The following RPS6KA2 variants were observed in gnomAD, a reference collection of about 807,000 sequenced individuals.
The protein encoded by RPS6KA2 is ribosomal protein S6 kinase A2.
A neutral mutation model predicts 91.8 loss-of-function variants in RPS6KA2; 42 were observed. That is an observed-to-expected ratio of 0.46 (90% CI 0.36 to 0.59). The LOEUF (loss-of-function observed/expected upper bound fraction) is 0.59. Among genes scored for constraint, RPS6KA2 ranks in the 20% least tolerant of loss-of-function variants. The pLI, the probability that RPS6KA2 is intolerant of heterozygous loss-of-function variation, is 0.00. For synonymous variants in RPS6KA2, 414 were observed against 393.6 expected (o/e 1.05, Z -0.61); for missense variants, 798 against 978.5 (o/e 0.82, Z 2.46).
intron 2 of RPS6KA2, among the ~76,000 whole-genome samples, chr6:166,787,804 A>T (rs1393249358): frequency 6.6e-6 from 1 of 152,190 alleles, no homozygotes; most frequent in Non-Finnish European, 1.5e-5. Context: ...CAATGGCAAC[A>T]AAAGCCAAAA....
chr6:166,448,798 C>A lies in RPS6KA2; in HGVS notation c.1258G>T (p.Asp420Tyr). 1 of 1,613,862 alleles carries A rather than the reference C, an allele frequency of 6.2e-7. No individual in the cohort carries two copies. Among genetic ancestry groups the A allele is most frequent in the Non-Finnish European group, 8.5e-7 (1 of 1,179,904 alleles). The stretch of plus-strand genomic sequence containing the variant: ...ACTGAGTAGGAGCCCACCCCGATGT[C>A]CTCCTTGATCTCGTAGCCATCGGTG... ...HFTDGYEIKE[D>Y]IGVGSYSVCK... Residue 420 changes from aspartate to tyrosine, a missense_variant, in exon 14 of 21, where the codon GAC (aspartate) becomes TAC (tyrosine). Asp to Tyr is a radical substitution (Grantham distance 160). Coordinates refer to ENST00000265678, the MANE Select transcript of RPS6KA2 (RefSeq NM_021135.6). This position sits in a 1 kb window ranked among gnomAD's most constrained non-coding sequence, Gnocchi z 4.7.
At chr6:166,438,424 C>G (rs999082660) in intron 14 of RPS6KA2, among the ~76,000 whole-genome samples, 3 of 152,266 alleles carry the variant, frequency 2.0e-5, no homozygotes, top group Admixed American at 6.5e-5. Flanking sequence ...CGCGTCACTA[C>G]AGTTAACAGC....
At chr6:166,763,963 A>G (rs968714319) in intron 2 of RPS6KA2, among the ~76,000 whole-genome samples, 2 of 152,242 alleles carry the variant, frequency 1.3e-5, no homozygotes, top group African/African-American at 4.8e-5. Flanking sequence ...TGTGGCAGAC[A>G]CAACACTGTC....
intron 4 of RPS6KA2, among the ~76,000 whole-genome samples, chr6:166,510,054 G>T (rs1782407879): frequency 1.3e-5 from 2 of 152,140 alleles, no homozygotes; most frequent in Non-Finnish European, 2.9e-5. Flanking sequence ...TCTAAAATTA[G>T]ATCTTTGAGA....
intron 14 of RPS6KA2, among the ~76,000 whole-genome samples, chr6:166,442,906 A>G (rs1271903664): frequency 1.3e-5 from 2 of 152,178 alleles, no homozygotes; most frequent in African/African-American, 4.8e-5. Flanking sequence ...TTGACCCTTG[A>G]ACAACATGGG....
chr6:166,516,791 C>A lies in RPS6KA2; in HGVS notation c.299-6434G>T, dbSNP rs546863226. ...GTGCCTCCTCTTCTGGGTGAAGTCCCTGTTCCATCTGCCAGGCCCTGCATG... is the reference window on the plus strand; with the variant it reads ...GTGCCTCCTCTTCTGGGTGAAGTCCATGTTCCATCTGCCAGGCCCTGCATG... On this transcript the variant is annotated intron_variant, in intron 3 of 20. Transcript: ENST00000265678. Among the ~76,000 whole-genome samples, 3 of 152,316 alleles carry A rather than the reference C, an allele frequency of 2.0e-5. No individual in the cohort carries two copies. The East Asian group carries it at 5.8e-4, about 29-fold the overall frequency.
At chr6:166,579,733 T>C (rs1784947148) in intron 1 of RPS6KA2, among the ~76,000 whole-genome samples, 1 of 152,254 alleles carries the variant, frequency 6.6e-6, no homozygotes, top group African/African-American at 2.4e-5. Flanking sequence ...TGGTATTTAA[T>C]GTCGCTAAAT....
At chr6:166,860,992 G>C (rs1781033849) in intron 1 of RPS6KA2, among the ~76,000 whole-genome samples, 1 of 152,112 alleles carries the variant, frequency 6.6e-6, no homozygotes, top group African/African-American at 2.4e-5. Flanking sequence ...CAGTATCTGG[G>C]CTGTTCCATC....
At chr6:166,469,311 C>T (rs1472728200) in intron 11 of RPS6KA2, among the ~76,000 whole-genome samples, 1 of 148,896 alleles carries the variant, frequency 6.7e-6, no homozygotes, top group Non-Finnish European at 1.5e-5. Context: ...TTTATTCCAA[C>T]AACTCGGCAC....
Position 166,666,505 on chromosome 6 carries a change from C to T in RPS6KA2, c.124-127721G>A, listed in dbSNP as rs755435406. Among the ~76,000 whole-genome samples, 3 of 152,196 alleles carry T rather than the reference C, an allele frequency of 2.0e-5. No homozygotes were observed. The highest frequency in any genetic ancestry group is 4.4e-5 in the Non-Finnish European group (3 of 68,026). On this transcript the variant is annotated intron_variant, in intron 2 of 21. Coordinates refer to the RPS6KA2 transcript ENST00000503859. The surrounding 1 kb of genome is among the most constrained non-coding windows in gnomAD (Gnocchi z 4.0). ...AAGAAGCATATGGAAAGATGCTCAA[C>T]GCCAGTCACTAATCCTTAGGGAAAT...
At chr6:166,640,036 C>A (rs112340012) in intron 2 of RPS6KA2, among the ~76,000 whole-genome samples, 2 of 152,248 alleles carry the variant, frequency 1.3e-5, no homozygotes, top group African/African-American at 2.4e-5. Context: ...CATTTATCTA[C>A]GAAAGAGACA....
intron 2 of RPS6KA2, among the ~76,000 whole-genome samples, chr6:166,755,020 C>A (rs557225078): frequency 6.6e-6 from 1 of 152,308 alleles, no homozygotes; most frequent in East Asian, 1.9e-4. Context: ...CCAGATTCCA[C>A]GAGCCCCTCC....
rs1335675918 is a variant in RPS6KA2 at position 166,493,277 on chromosome 6, C to A, written c.748-2536G>T. ...GTGTGGACTTTGCAGCCTCCACCAG[C>A]CATGGGGTTCTGCTGCCTTTCCCAT... is the stretch of plus-strand genomic sequence containing the variant. On this transcript the variant is annotated intron_variant, in intron 8 of 20. Transcript: ENST00000265678. This position sits in a 1 kb window ranked among gnomAD's most constrained non-coding sequence, Gnocchi z 4.7. Among the ~76,000 whole-genome samples, 1 of 152,104 alleles carries A rather than the reference C, an allele frequency of 6.6e-6. No homozygotes were observed. The highest frequency in any genetic ancestry group is 1.5e-5 in the Non-Finnish European group (1 of 68,028).
At chr6:166,855,248 T>C (rs1015123956) in intron 2 of RPS6KA2, among the ~76,000 whole-genome samples, 1 of 152,162 alleles carries the variant, frequency 6.6e-6, no homozygotes, top group Admixed American at 6.5e-5. Context: ...GTTCTGGTAA[T>C]GGCTATGCTA....
intron 2 of RPS6KA2, among the ~76,000 whole-genome samples, chr6:166,764,791 A>G (rs1183298586): frequency 1.3e-5 from 2 of 152,232 alleles, no homozygotes; most frequent in Non-Finnish European, 2.9e-5. Context: ...ACCTACAGCC[A>G]CGCAAGCACC....
At chr6:166,785,013 T>C (rs1778892650) in intron 2 of RPS6KA2, among the ~76,000 whole-genome samples, 1 of 152,248 alleles carries the variant, frequency 6.6e-6, no homozygotes, top group East Asian at 1.9e-4. Flanking sequence ...AGGTCCTTCT[T>C]AGAGCAGGTT....
chr6:166,858,106 G>T, intron 2 of RPS6KA2: 1 of 802,516 alleles, frequency 1.2e-6, no homozygotes, highest in Non-Finnish European at 2.2e-6. Flanking sequence ...ACTGCTCACA[G>T]ATATTTAATT....
chr6:166,849,621 G>A lies in RPS6KA2; in HGVS notation c.123+8579C>T, dbSNP rs1049744987. ...CGTTCATCGTTTCAAGAAGGACATTGCAATGTTTACCCTATTAACTTGGAG... is the reference window on the plus strand; with the variant it reads ...CGTTCATCGTTTCAAGAAGGACATTACAATGTTTACCCTATTAACTTGGAG... On this transcript the variant is annotated intron_variant, in intron 2 of 21. Coordinates refer to the RPS6KA2 transcript ENST00000503859. The surrounding 1 kb of genome is among the most constrained non-coding windows in gnomAD (Gnocchi z 4.9). Among the ~76,000 whole-genome samples, 1 of 152,176 alleles carries A rather than the reference G, an allele frequency of 6.6e-6. No homozygotes were observed. The highest frequency in any genetic ancestry group is 1.5e-5 in the Non-Finnish European group (1 of 68,036).
At chr6:166,736,638 TAA>T (rs961447642) in intron 2 of RPS6KA2, among the ~76,000 whole-genome samples, 1 of 152,170 alleles carries the variant, frequency 6.6e-6, no homozygotes, top group African/African-American at 2.4e-5. Context: ...TGCAAAACTC[TAA>T]GATACCATCC....
Sources: gnomAD v4.1 joint callset for allele counts (sites outside exome capture counted in the v4.1 genomes callset) on GRCh38, gnomAD v4.1.1 for gene constraint, Gnocchi (gnomAD v3.1) non-coding constraint, MANE v1.5 for transcripts, NCBI Gene and HGNC (gene_info 2026-07-23, HGNC 2026-07-21) for gene names.